The following IL5RA variants were observed in gnomAD, a reference collection of about 807,000 sequenced individuals.
The protein encoded by IL5RA is interleukin-5 receptor subunit alpha.
IL5RA carries 49 observed loss-of-function variants against 50.0 expected under a neutral mutation model. That is an observed-to-expected ratio of 0.98 (90% CI 0.78 to 1.24). The LOEUF is 1.24. Among genes scored for constraint, IL5RA ranks in the 50% most tolerant of loss-of-function variants. The pLI is 0.00. For missense variants in IL5RA, 600 were observed against 500.4 expected (o/e 1.20, Z -1.90); for synonymous variants, 202 against 174.0 (o/e 1.16, Z -1.26).
At chr3:3,093,684 G>A (rs2125974879) in intron 8 of IL5RA, among the ~76,000 whole-genome samples, 1 of 152,300 alleles carries the variant, frequency 6.6e-6, no homozygotes, top group Admixed American at 6.5e-5. Flanking sequence ...TCTCTGCAGA[G>A]CAGGCTCTGT....
intron 11 of IL5RA, among the ~76,000 whole-genome samples, chr3:3,072,773 G>A (rs1321780687): frequency 2.0e-5 from 3 of 152,156 alleles, no homozygotes; most frequent in Non-Finnish European, 2.9e-5. Flanking sequence ...TTAGCTGGGC[G>A]TGGTGGCGGG....
chr3:3,076,710 A>G (rs1702498266), intron 9 of IL5RA, 83 bp from the exon 10 acceptor site: 1 of 832,392 alleles, frequency 1.2e-6, no homozygotes, highest in African/African-American at 1.7e-5. Context: ...GGCTTGGGTC[A>G]TCAGACAGCT....
intron 5 of IL5RA, among the ~76,000 whole-genome samples, chr3:3,100,194 A>G (rs1403461187): frequency 1.3e-5 from 2 of 152,162 alleles, no homozygotes; most frequent in Non-Finnish European, 2.9e-5. Context: ...CTTGAGAGAT[A>G]GAAGGGGGTC....
chr3:3,078,611 A>T (rs1021136990), intron 9 of IL5RA, among the ~76,000 whole-genome samples: 1 of 152,152 alleles, frequency 6.6e-6, no homozygotes, highest in African/African-American at 2.4e-5. Context: ...AGGCGGGTGG[A>T]TCACTTGAGG....
chr3:3,095,719 C>T (rs954748717), intron 7 of IL5RA, among the ~76,000 whole-genome samples: 3 of 151,866 alleles, frequency 2.0e-5, no homozygotes, highest in East Asian at 1.9e-4. Flanking sequence ...ACTTCCCCCC[C>T]TCAGCTCATT....
At chr3:3,104,882 A>C in intron 3 of IL5RA, 21 bp downstream of exon 3, 1 of 1,429,424 alleles carries the variant, frequency 7.0e-7, no homozygotes, top group Non-Finnish European at 9.8e-7. Context: ...AACATTATTG[A>C]ATTGAATAGA....
chr3:3,086,363 C>T (rs1702862390), intron 9 of IL5RA, among the ~76,000 whole-genome samples: 1 of 152,068 alleles, frequency 6.6e-6, no homozygotes, highest in South Asian at 2.1e-4. Flanking sequence ...GGTCAGGAAA[C>T]AAAAGGTTTC....
chr3:3,102,844 A>G, intron 3 of IL5RA, 24 bp from the exon 4 acceptor site: 9 of 1,586,974 alleles, frequency 5.7e-6, no homozygotes, highest in Non-Finnish European at 7.7e-6. Context: ...GAATAAAGAA[A>G]CAACACAATG....
chr3:3,101,250 G>A (rs1703641379), intron 5 of IL5RA, among the ~76,000 whole-genome samples: 1 of 151,962 alleles, frequency 6.6e-6, no homozygotes, highest in Non-Finnish European at 1.5e-5. Flanking sequence ...AATTCAGGAG[G>A]TATGGTCTTT....
At chr3:3,108,846 G>A (rs168025) in intron 1 of IL5RA, among the ~76,000 whole-genome samples, 155 bp from the exon 2 acceptor site, 99,543 of 152,124 alleles carry the variant, frequency 0.65, 32,655 homozygotes, top group South Asian at 0.73. Flanking sequence ...TTTCCCATGC[G>A]GTGTTTCAAA....
At chr3:3,087,520 T>A (rs1345446042) in intron 9 of IL5RA, among the ~76,000 whole-genome samples, 3 of 152,242 alleles carry the variant, frequency 2.0e-5, no homozygotes, top group Non-Finnish European at 2.9e-5. Context: ...AATTCACTGA[T>A]TGGCTCATAT....
chr3:3,075,788 G>T (rs1574976475), intron 10 of IL5RA, among the ~76,000 whole-genome samples: 1 of 151,942 alleles, frequency 6.6e-6, no homozygotes, highest in South Asian at 2.1e-4. Flanking sequence ...TTTTAGTAGA[G>T]ACGGGGTTTC....
chr3:3,106,993 T>C (rs1040246703), intron 2 of IL5RA, among the ~76,000 whole-genome samples: 1 of 152,178 alleles, frequency 6.6e-6, no homozygotes, highest in Non-Finnish European at 1.5e-5. Context: ...GGAGAGATAA[T>C]TGAATATTTT....
Position 3,098,290 on chromosome 3 carries a change from C to A in IL5RA, c.368G>T (p.Gly123Val), listed in dbSNP as rs750767577. Residue 123 changes from glycine to valine, a missense_variant and splice_region_variant, in exon 6 of 12, where the codon GGG becomes GTG. Physicochemically the swap from Gly to Val is moderately radical, Grantham distance 109 (BLOSUM62 -3). Transcript: ENST00000446632. ...ATTCACAATTGAGGTTCCAGGAGAC[C>A]CTAGGTAGTCAAAAGTAAAAAGGAC... ...WASAELHAPP[G>V]SPGTSIVNLT... 1 of 1,612,782 alleles carries A rather than the reference C, an allele frequency of 6.2e-7. No individual in the cohort carries two copies. The highest frequency in any genetic ancestry group is 8.5e-7 in the Non-Finnish European group (1 of 1,179,324).
At chr3:3,099,150 C>CT (rs1277023649) in intron 5 of IL5RA, among the ~76,000 whole-genome samples, 7 of 152,132 alleles carry the variant, frequency 4.6e-5, no homozygotes, top group African/African-American at 1.7e-4. Flanking sequence ...ACTTTGCAGA[C>CT]TTGATGCACA....
intron 8 of IL5RA, 129 bp downstream of exon 8, chr3:3,095,170 G>A: frequency 4.6e-6 from 3 of 654,450 alleles, no homozygotes; most frequent in South Asian, 3.9e-5. Flanking sequence ...ATAATACCTG[G>A]GTAGATTAAG....
chr3:3,105,073 C>A, intron 2 of IL5RA, 86 bp from the exon 3 acceptor site: 2 of 842,620 alleles, frequency 2.4e-6, no homozygotes, highest in South Asian at 3.1e-5. Context: ...AAAATGCAGT[C>A]GTTTGGCCAT....
chr3:3,109,918 T>C (rs1464417905), intron 1 of IL5RA, 27 bp downstream of exon 1: 2 of 152,210 alleles, frequency 1.3e-5, no homozygotes, highest in Non-Finnish European at 2.9e-5. Flanking sequence ...TACTCTGTGG[T>C]GAGTGAAGCA....
intron 9 of IL5RA, among the ~76,000 whole-genome samples, chr3:3,079,596 G>T (rs1000610149): frequency 6.6e-6 from 1 of 152,176 alleles, no homozygotes. Flanking sequence ...TCTGGGCCTC[G>T]GTTTCCTCAT....
Sources: gnomAD v4.1 joint callset for allele counts (sites outside exome capture counted in the v4.1 genomes callset) on GRCh38, gnomAD v4.1.1 for gene constraint, MANE v1.5 for transcripts, NCBI Gene and HGNC (gene_info 2026-07-23, HGNC 2026-07-21) for gene names.